The following UNC13D variants were observed in gnomAD, a reference collection of about 807,000 sequenced individuals.
UNC13D encodes unc-13 homolog D, also known as protein unc-13 homolog D.
In UNC13D, 115 loss-of-function variants were observed where a neutral mutation model predicts 151.7. That is an observed-to-expected ratio of 0.76 (90% confidence interval 0.65 to 0.88). The LOEUF (loss-of-function observed/expected upper bound fraction) is 0.88. UNC13D is among the 40% of genes least tolerant of loss of function. The pLI is 0.00. For missense variants in UNC13D, 1,369 were observed against 1,438.7 expected (o/e 0.95, Z 0.78); for synonymous variants, 588 against 612.2 (o/e 0.96, Z 0.58).
Position 75,828,817 on chromosome 17 carries a change from G to C in UNC13D, c.3121C>G (p.Arg1041Gly). Residue 1041 changes from arginine (R) to glycine (G), a missense_variant, in exon 31 of 32, where the codon CGC (arginine) becomes GGC (glycine). This residue lies in a region of UNC13D where 807 missense variants were observed against 795.5 expected (regional missense o/e 1.01). Coordinates refer to ENST00000207549, the MANE Select transcript of UNC13D (RefSeq NM_199242.3). ...SEEPGEVPQT[R>G]LPLTYPAPNG... ...GGTGCGGGGTACGTGAGGGGCAGGC[G>C]GGTCTGAGGCACCTCACCAGGCTCC... 1.9e-6 allele frequency: 3 copies of C among 1,561,552 alleles called. No homozygotes were observed. Among genetic ancestry groups the C allele is most frequent in the Non-Finnish European group, 2.6e-6 (3 of 1,155,460 alleles).
At position 75,836,586 on chromosome 17, in the gene UNC13D, C is replaced by T. The variant is rs201831472; in HGVS notation, c.1284G>A (p.Leu428=). ...PLSVSDSPAR[L]QSLLRVLVQM... ...CAGCCACTGACCTGAGAAGAGACTG[C>T]AGCCGGGCTGGGGAGTCCGAGACAG... The change falls in exon 14 of 32, where the codon CTG becomes CTA. Residue 428 remains leucine, a synonymous_variant. Coordinates refer to ENST00000207549, the MANE Select transcript of UNC13D (RefSeq NM_199242.3). The T allele has an allele frequency of 3.1e-6, 5 of 1,613,734 alleles. No individual in the cohort carries two copies. The highest frequency in any genetic ancestry group is 4.2e-6 in the Non-Finnish European group (5 of 1,180,018).
rs760907132 is a variant in UNC13D at position 75,842,494 on chromosome 17, T to G, written c.508A>C (p.Thr170Pro). Residue 170 changes from threonine (T) to proline (P), a missense_variant, in exon 6 of 32, where the codon ACC (threonine) becomes CCC (proline). By Grantham distance (38) the Thr-to-Pro change is conservative. Transcript: ENST00000207549. ...VVRHTIPEEE[T>P]HRTQVITQTL... Reference sequence around the variant, plus strand: ...TGGGTGATGACCTGCGTGCGGTGGGTCTCCTCCTCGGGGATGGTGTGCCTC... The same window carrying G: ...TGGGTGATGACCTGCGTGCGGTGGGGCTCCTCCTCGGGGATGGTGTGCCTC... 5 of 1,613,080 alleles carry G rather than the reference T, an allele frequency of 3.1e-6. No homozygotes were observed. Among genetic ancestry groups the G allele is most frequent in the Non-Finnish European group, 4.2e-6 (5 of 1,179,906 alleles).
rs370710344 is a variant in UNC13D, at chr17:75,828,015, G to A, written c.3223C>T (p.Arg1075Trp). The A allele has an allele frequency of 2.4e-5, 38 of 1,593,556 alleles. No individual in the cohort carries two copies. The Admixed American group carries it at 4.9e-4, about 20-fold the overall frequency. Residue 1075 changes from arginine (R) to tryptophan (W), a missense_variant, in exon 32 of 32, where the codon CGG becomes TGG. By Grantham distance (101) the Arg-to-Trp change is moderately radical. Transcript: ENST00000207549. Reference protein sequence around the residue: ...REAQVFVRLRRHRAKQASQHA... With the variant: ...REAQVFVRLRWHRAKQASQHA... ...TGGGAGGCCTGCTTGGCCCGGTGCC[G>A]CCGCAGCCTCACAAAGACCTGGGCT...
intron 28 of UNC13D, 47 bp downstream of exon 28, chr17:75,830,531 G>A: frequency 6.3e-7 from 1 of 1,576,876 alleles, no homozygotes; most frequent in Non-Finnish European, 8.6e-7. Context: ...GCGGGAGCGG[G>A]GTGCTCCAGG....
chr17:75,834,065 G>T lies in UNC13D; in HGVS notation c.2367+10C>A. 6.2e-7 allele frequency: 1 copy of T among 1,613,568 alleles called. No homozygotes were observed. Reference sequence around the variant, plus strand: ...GGTGGTGAAGGCCAGCAGGCAGAAGGGCCACTTACATCCTCAGGCAGGACA... The same window carrying T: ...GGTGGTGAAGGCCAGCAGGCAGAAGTGCCACTTACATCCTCAGGCAGGACA... On this transcript the variant is annotated intron_variant, in intron 24 of 31. Coordinates refer to ENST00000207549, the MANE Select transcript of UNC13D (RefSeq NM_199242.3).
chr17:75,830,367 G>C lies in UNC13D; in HGVS notation c.2825C>G (p.Ser942Cys). 6.3e-7 allele frequency: 1 copy of C among 1,593,100 alleles called. No individual in the cohort carries two copies. Among genetic ancestry groups the C allele is most frequent in the East Asian group, 2.3e-5 (1 of 44,176 alleles). The change falls in exon 29 of 32, where the codon TCC (serine) becomes TGC (cysteine). Residue 942 changes from serine to cysteine, a missense_variant. Physicochemically the swap from Ser to Cys is moderately radical, Grantham distance 112. This residue lies in a region of UNC13D where 807 missense variants were observed against 795.5 expected (regional missense o/e 1.01). Transcript: ENST00000207549. The part of the protein sequence containing the change: ...LSASSLLPLD[S>C]NGSSDPFVQL... ...CAAAGGCAGCCTCCACTCACCATTG[G>C]AGTCCAGGGGCAGCAGGCTGGAGGC...
Position 75,840,967 on chromosome 17 carries a change from G to C in UNC13D, c.604C>G (p.Leu202Val), listed in dbSNP as rs562092691. 6.2e-7 allele frequency: 1 copy of C among 1,613,972 alleles called. No homozygotes were observed. The highest frequency in any genetic ancestry group is 2.2e-5 in the East Asian group (1 of 44,856). Residue 202 changes from leucine (L) to valine (V), a missense_variant, in exon 7 of 32, where the codon CTG (leucine) becomes GTG (valine). Around this residue, in one of 3 missense-constraint regions of UNC13D, gnomAD observed 550 missense variants for 609.0 expected, o/e 0.90. Transcript: ENST00000207549. This position sits in a 1 kb window ranked among gnomAD's most constrained non-coding sequence, Gnocchi z 4.6. ...FEDITNASFHLDMWDLDTVES... is the reference protein window; with the variant it reads ...FEDITNASFHVDMWDLDTVES... Reference sequence around the variant, plus strand: ...GGCCAGGTCACTCACCACATGTCCAGATGAAAGCTCGCATTGGTGATGTCC... The same window carrying C: ...GGCCAGGTCACTCACCACATGTCCACATGAAAGCTCGCATTGGTGATGTCC...
chr17:75,841,076 C>T (rs2064945431), intron 6 of UNC13D, 75 bp from the exon 7 acceptor site: 1 of 1,571,428 alleles, frequency 6.4e-7, no homozygotes, highest in Non-Finnish European at 8.8e-7. Flanking sequence ...GTGACCACAG[C>T]CCAGAGCCAT....
rs370525064 is a variant in UNC13D at position 75,834,684 on chromosome 17, G to A, written c.2025C>T (p.Ser675=). The A allele has an allele frequency of 6.2e-7, 1 of 1,613,672 alleles. No homozygotes were observed. Among genetic ancestry groups the A allele is most frequent in the Non-Finnish European group, 8.5e-7 (1 of 1,180,048 alleles). The change falls in exon 22 of 32, where the codon AGC becomes AGT. Residue 675 remains serine, a synonymous_variant. Transcript: ENST00000207549. ...DTCRLALVYC[S]LIKARARELS... Reference sequence around the variant, plus strand: ...GCTCGCGGGCCCGGGCCTTTATAAGGCTGCAGTACACCAGGGCCAGGCGAC... The same window carrying A: ...GCTCGCGGGCCCGGGCCTTTATAAGACTGCAGTACACCAGGGCCAGGCGAC...
rs748550143 is a variant in UNC13D, at chr17:75,830,374, G to A, written c.2818C>T (p.Leu940=). ...ELLSASSLLP[L]DSNGSSDPFV... The stretch of plus-strand genomic sequence containing the variant: ...AGCCTCCACTCACCATTGGAGTCCA[G>A]GGGCAGCAGGCTGGAGGCGCTGAGC... The change falls in exon 29 of 32, where the codon CTG becomes TTG. Residue 940 remains leucine (L), a synonymous_variant. Transcript: ENST00000207549. 2 of 1,592,306 alleles carry A rather than the reference G, an allele frequency of 1.3e-6. No homozygotes were observed. Among genetic ancestry groups the A allele is most frequent in the Non-Finnish European group, 1.7e-6 (2 of 1,171,238 alleles).
At chr17:75,835,960 T>A in intron 17 of UNC13D, 52 bp downstream of exon 17, 1 of 1,614,134 alleles carries the variant, frequency 6.2e-7, no homozygotes, top group Non-Finnish European at 8.5e-7. Flanking sequence ...GTCCCCATGG[T>A]TCCGGCTCTG....
Position 75,840,476 on chromosome 17 carries a change from G to C in UNC13D, c.753+31C>G. 6.2e-7 allele frequency: 1 copy of C among 1,611,474 alleles called. No individual in the cohort carries two copies. Among genetic ancestry groups the C allele is most frequent in the Non-Finnish European group, 8.5e-7 (1 of 1,178,146 alleles). ...CCTCCCAACCCCCTCCCTCTGCCTC[G>C]CTCCTGGGCCCCTTTCCTCATCCTC... On this transcript the variant is annotated intron_variant, in intron 9 of 31. Coordinates refer to ENST00000207549, the MANE Select transcript of UNC13D (RefSeq NM_199242.3). This position sits in a 1 kb window ranked among gnomAD's most constrained non-coding sequence, Gnocchi z 4.6.
At position 75,842,606 on chromosome 17, in the gene UNC13D, G is replaced by A. The variant is rs780774342; in HGVS notation, c.396C>T (p.Ser132=). 11 of 1,611,600 alleles carry A rather than the reference G, an allele frequency of 6.8e-6. No individual in the cohort carries two copies. The East Asian group carries it at 1.6e-4, about 23-fold the overall frequency. Residue 132 remains serine, a synonymous_variant, in exon 6 of 32, where the codon AGC becomes AGT. Transcript: ENST00000207549. The part of the protein sequence containing the change: ...GILGKDVSGF[S]DPYCLLGIEQ... The stretch of plus-strand genomic sequence containing the variant: ...CAATGCCCAGCAGGCAGTAGGGGTC[G>A]CTGAACCCTGTGGAGGAGTGGGGAA...
rs1320139040 is a variant in UNC13D at position 75,840,182 on chromosome 17, C to A, written c.858+43G>T. On this transcript the variant is annotated intron_variant, in intron 10 of 31. Transcript: ENST00000207549. The surrounding 1 kb of genome is among the most constrained non-coding windows in gnomAD (Gnocchi z 4.6). ...GCCAGCCCCGCAACCCAGCAGACCG[C>A]CGCAAGAGCTGGGCATGGCCACTGG... is the stretch of plus-strand genomic sequence containing the variant. 5.6e-6 allele frequency: 9 copies of A among 1,612,510 alleles called. No homozygotes were observed. The highest frequency in any genetic ancestry group is 6.8e-6 in the Non-Finnish European group (8 of 1,179,192).
chr17:75,835,803 G>C, intron 18 of UNC13D, 26 bp from the exon 19 acceptor site: 2 of 1,614,022 alleles, frequency 1.2e-6, no homozygotes, highest in Non-Finnish European at 1.7e-6. Context: ...GTGGAGGGCG[G>C]GGCCCACAGC....
In UNC13D at chr17:75,834,730, G is replaced by T; in HGVS notation, c.1993-14C>A. ...GCGACAGGTGTCCTAGGGTGGGGTT[G>T]GACAGAGGGAACTGATCCATGGGTG... On this transcript the variant is annotated splice_polypyrimidine_tract_variant and intron_variant, in intron 21 of 31. Transcript: ENST00000207549. The T allele has an allele frequency of 6.2e-7, 1 of 1,613,244 alleles. No individual in the cohort carries two copies. Among genetic ancestry groups the T allele is most frequent in the South Asian group, 1.1e-5 (1 of 91,006 alleles).
In UNC13D at chr17:75,836,096, G is replaced by A. The variant is rs2064906782; in HGVS notation, c.1460C>T (p.Ala487Val). 1.9e-6 allele frequency: 3 copies of A among 1,613,470 alleles called. No homozygotes were observed. The highest frequency in any genetic ancestry group is 1.7e-6 in the Non-Finnish European group (2 of 1,180,034). ...TACCAGGCCCAGCAAGGCCTTGCCT[G>A]CCTCCGGGATGCCCTGCAGAGACAG... ...HQPMVQGIPE[A>V]GKALLGLVQD... The change falls in exon 17 of 32, where the codon GCA becomes GTA. Residue 487 changes from alanine (A) to valine (V), a missense_variant. This residue lies in a region of UNC13D where 807 missense variants were observed against 795.5 expected (regional missense o/e 1.01). Transcript: ENST00000207549.
rs777374640 is a variant in UNC13D at position 75,834,353 on chromosome 17, C to T, written c.2270G>A (p.Arg757His). The T allele has an allele frequency of 8.8e-6, 14 of 1,594,590 alleles. No homozygotes were observed. Among genetic ancestry groups the T allele is most frequent in the East Asian group, 4.5e-5 (2 of 44,750 alleles). ...CTCGGCCAGGGTGCGGACGCCAGTG[C>T]GGATCTCATGGCCCAGCCCGGCCAG... ...SALAGLGHEIRTGVRTLAEQL... is the reference protein window; with the variant it reads ...SALAGLGHEIHTGVRTLAEQL... Residue 757 changes from arginine to histidine, a missense_variant, in exon 23 of 32, where the codon CGC (arginine) becomes CAC (histidine). Transcript: ENST00000207549.
chr17:75,839,099 C>CA (rs201312544), intron 12 of UNC13D, among the ~76,000 whole-genome samples: 29,380 of 144,472 alleles, frequency 0.2, 2,967 homozygotes, highest in Non-Finnish European at 0.24. Flanking sequence ...GACTCTGTCT[C>CA]AAAAAAAAAA....
Sources: allele counts gnomAD v4.1 joint callset (sites outside exome capture counted in the v4.1 genomes callset), GRCh38; gene constraint gnomAD v4.1.1; regional missense constraint gnomAD v4.1.1; non-coding constraint Gnocchi (gnomAD v3.1); transcripts MANE v1.5; gene names NCBI Gene and HGNC (gene_info 2026-07-23, HGNC 2026-07-21).